ZNF804B: variants seen among roughly 807,000 people sequenced by gnomAD.
ZNF804B encodes zinc finger protein 804B.
Under a neutral mutation model 101.4 loss-of-function variants are expected in ZNF804B, and 80 were observed. The ratio of observed to expected loss-of-function variants is 0.79; its 90% CI spans 0.66 to 0.95. The LOEUF is 0.95. Ranked by LOEUF, ZNF804B falls within the 40% of genes least tolerant of loss-of-function variation. ZNF804B has a pLI of 0.00. For missense variants in ZNF804B, 1,673 were observed against 1,561.9 expected (o/e 1.07, Z -1.20); for synonymous variants, 622 against 558.8 (o/e 1.11, Z -1.59).
intron 1 of ZNF804B, among the ~76,000 whole-genome samples, chr7:88,908,265 T>C (rs1035380185): frequency 2.6e-5 from 4 of 151,802 alleles, no homozygotes; most frequent in African/African-American, 9.7e-5. Flanking sequence ...AGGGTATATG[T>C]GCATGCTGAA....
chr7:89,099,326 A>G (rs1790017975), intron 1 of ZNF804B, among the ~76,000 whole-genome samples: 1 of 152,086 alleles, frequency 6.6e-6, no homozygotes, highest in South Asian at 2.1e-4. Context: ...ATATATAATA[A>G]AAGGGGAAGA....
intron 1 of ZNF804B, among the ~76,000 whole-genome samples, chr7:89,007,259 A>G (rs1788380026): frequency 6.6e-6 from 1 of 151,510 alleles, no homozygotes; most frequent in African/African-American, 2.4e-5. Context: ...TCTTAATTAC[A>G]TTTTACAAAA....
intron 1 of ZNF804B, among the ~76,000 whole-genome samples, chr7:88,915,577 T>A (rs891681784): frequency 6.6e-6 from 1 of 152,018 alleles, no homozygotes; most frequent in African/African-American, 2.4e-5. Context: ...AACAGAGTTT[T>A]TGCTTCATAA....
intron 1 of ZNF804B, among the ~76,000 whole-genome samples, chr7:88,863,896 C>T (rs542234757): frequency 6.6e-6 from 1 of 152,326 alleles, no homozygotes; most frequent in African/African-American, 2.4e-5. Context: ...CTGTCTCCTC[C>T]ACTAGACTGC....
At chr7:88,898,366 G>C (rs1275379163) in intron 1 of ZNF804B, among the ~76,000 whole-genome samples, 1 of 151,946 alleles carries the variant, frequency 6.6e-6, no homozygotes, top group Non-Finnish European at 1.5e-5. Flanking sequence ...GATTACAGGC[G>C]TGAGCCACAG....
At chr7:89,083,287 CTA>C (rs1789724509) in intron 1 of ZNF804B, among the ~76,000 whole-genome samples, 2 of 151,754 alleles carry the variant, frequency 1.3e-5, no homozygotes, top group Non-Finnish European at 2.9e-5. Flanking sequence ...TTTGGAATGA[CTA>C]TGTGCAATTA....
chr7:89,245,732 A>G (rs1306293047), intron 2 of ZNF804B, among the ~76,000 whole-genome samples: 1 of 152,308 alleles, frequency 6.6e-6, no homozygotes, highest in South Asian at 2.1e-4. Flanking sequence ...CAAGAAAGAC[A>G]ATGGGAATCC....
chr7:89,252,441 T>C (rs1789556134), intron 2 of ZNF804B, among the ~76,000 whole-genome samples: 1 of 152,102 alleles, frequency 6.6e-6, no homozygotes, highest in African/African-American at 2.4e-5. Flanking sequence ...TGTTGGAACA[T>C]AAATTAGTTC....
chr7:88,892,404 G>A (rs117181048), intron 1 of ZNF804B, among the ~76,000 whole-genome samples: 3,210 of 152,074 alleles, frequency 0.021, 52 homozygotes, highest in Non-Finnish European at 0.029. Context: ...TTTTTTTGGG[G>A]AGTATCTTTC....
intron 1 of ZNF804B, among the ~76,000 whole-genome samples, chr7:89,207,670 T>C (rs1318253067): frequency 6.6e-6 from 1 of 152,244 alleles, no homozygotes; most frequent in Non-Finnish European, 1.5e-5. Flanking sequence ...TACAGTTATA[T>C]GAGTTTTTAT....
At chr7:88,991,802 G>T (rs907851813) in intron 1 of ZNF804B, among the ~76,000 whole-genome samples, 1 of 152,114 alleles carries the variant, frequency 6.6e-6, no homozygotes, top group African/African-American at 2.4e-5. Flanking sequence ...CCAGAGCCTT[G>T]TACCTCAACA....
At chr7:89,220,829 A>G (rs1257902880) in intron 2 of ZNF804B, among the ~76,000 whole-genome samples, 1 of 151,940 alleles carries the variant, frequency 6.6e-6, no homozygotes, top group Admixed American at 6.6e-5. Flanking sequence ...TTTAATCTAT[A>G]GGTTTTTCCA....
chr7:89,290,650 A>C (rs1790274931), intron 2 of ZNF804B, among the ~76,000 whole-genome samples: 1 of 152,110 alleles, frequency 6.6e-6, no homozygotes, highest in Non-Finnish European at 1.5e-5. Context: ...GACTGTAGAA[A>C]GGAGAGGTAA....
intron 1 of ZNF804B, among the ~76,000 whole-genome samples, chr7:89,118,083 G>T (rs1334725527): frequency 6.6e-6 from 1 of 152,106 alleles, no homozygotes; most frequent in African/African-American, 2.4e-5. Context: ...AGACCAGAAA[G>T]AAACTGGATG....
chr7:88,809,976 AT>A (rs1790757325), intron 1 of ZNF804B, among the ~76,000 whole-genome samples: 1 of 152,224 alleles, frequency 6.6e-6, no homozygotes, highest in Non-Finnish European at 1.5e-5. Context: ...TTATTGTTTT[AT>A]ATGACACAGG....
intron 2 of ZNF804B, among the ~76,000 whole-genome samples, chr7:89,255,292 C>T (rs1404833354): frequency 1.3e-5 from 2 of 152,210 alleles, no homozygotes; most frequent in Admixed American, 6.5e-5. Context: ...GTCACCTCCC[C>T]TGGTCCTGCC....
intron 1 of ZNF804B, among the ~76,000 whole-genome samples, chr7:89,144,242 T>C (rs1790757285): frequency 1.3e-5 from 2 of 152,028 alleles, no homozygotes; most frequent in Admixed American, 6.6e-5. Context: ...TCCTATAACA[T>C]ATATATGTCA....
chr7:89,327,794 A>T (rs1480304823), intron 3 of ZNF804B, among the ~76,000 whole-genome samples: 1 of 151,478 alleles, frequency 6.6e-6, no homozygotes, highest in Non-Finnish European at 1.5e-5. Context: ...TAATAATTTT[A>T]AAAACCATAA....
At chr7:88,972,870 T>G (rs886109051) in intron 1 of ZNF804B, among the ~76,000 whole-genome samples, 1 of 151,406 alleles carries the variant, frequency 6.6e-6, no homozygotes, top group Admixed American at 6.6e-5. Context: ...GGAGTACATA[T>G]AGCGTTATGA....
Sources: allele counts gnomAD v4.1 joint callset (sites outside exome capture counted in the v4.1 genomes callset), GRCh38; gene constraint gnomAD v4.1.1; transcripts MANE v1.5; gene names NCBI Gene and HGNC (gene_info 2026-07-23, HGNC 2026-07-21).